Variants in C19orf18 observed in about 807,000 individuals in gnomAD.
The protein encoded by C19orf18 is uncharacterized protein C19orf18.
C19orf18 carries 21 observed loss-of-function variants against 23.3 expected under a neutral mutation model. That is an observed-to-expected ratio of 0.90 (90% CI 0.64 to 1.30). The LOEUF (loss-of-function observed/expected upper bound fraction) is 1.30, where lower values mean the gene tolerates loss of function less well. C19orf18 is among the 50% of genes most tolerant of loss of function. C19orf18 has a pLI of 0.00. For missense variants in C19orf18, 249 were observed against 259.6 expected (o/e 0.96, Z 0.28); for synonymous variants, 96 against 95.2 (o/e 1.01, Z -0.05).
At chr19:57,964,129 G>C (rs929081028) in intron 4 of C19orf18, among the ~76,000 whole-genome samples, 1 of 152,016 alleles carries the variant, frequency 6.6e-6, no homozygotes, top group Non-Finnish European at 1.5e-5. Context: ...ATAGCTTAGT[G>C]CTAATACAAA....
At chr19:57,964,018 T>C (rs1049414143) in intron 4 of C19orf18, among the ~76,000 whole-genome samples, 2 of 152,164 alleles carry the variant, frequency 1.3e-5, no homozygotes, top group African/African-American at 4.8e-5. Context: ...CTGGAAAAAA[T>C]GAACCACTAA....
chr19:57,959,313 A>G (rs906083384), intron 5 of C19orf18, among the ~76,000 whole-genome samples: 11 of 151,992 alleles, frequency 7.2e-5, no homozygotes, highest in Admixed American at 5.9e-4. Context: ...ACATGGTGAA[A>G]ACTGTCTCTA....
chr19:57,971,624 C>G lies in C19orf18; in HGVS notation c.268+839G>C, dbSNP rs571618460. 3.3e-5 allele frequency among the ~76,000 whole-genome samples: 5 copies of G among 152,294 alleles called. No homozygotes were observed. The East Asian group carries it at 7.7e-4, about 24-fold the overall frequency. Reference sequence around the variant, plus strand: ...TAGCTGGGATTACAGGTGCCCACCACCACTCCTGGCTAATTTTTGTATTTT... The same window carrying G: ...TAGCTGGGATTACAGGTGCCCACCAGCACTCCTGGCTAATTTTTGTATTTT... On this transcript the variant is annotated intron_variant, in intron 3 of 5. Coordinates refer to ENST00000314391, the MANE Select transcript of C19orf18 (RefSeq NM_152474.5).
intron 3 of C19orf18, among the ~76,000 whole-genome samples, chr19:57,972,185 T>C (rs1218545413): frequency 6.6e-6 from 1 of 152,224 alleles, no homozygotes; most frequent in East Asian, 1.9e-4. Context: ...AGGGCCGCTG[T>C]GTGTGCCCAT....
At chr19:57,963,757 G>A (rs926855093) in intron 4 of C19orf18, among the ~76,000 whole-genome samples, 2 of 152,092 alleles carry the variant, frequency 1.3e-5, no homozygotes, top group Non-Finnish European at 2.9e-5. Context: ...GGGCGTGGTG[G>A]CGGGTGCCTG....
rs187841827 is a variant in C19orf18, at chr19:57,969,845, C to T, written c.268+2618G>A. ...TGAGATCGCATCATTACACTCCAGG[C>T]TGGGCGACAAGATACAAGATTGAAA... is the stretch of plus-strand genomic sequence containing the variant. On this transcript the variant is annotated intron_variant, in intron 3 of 5. Transcript: ENST00000314391. Among the ~76,000 whole-genome samples the T allele has an allele frequency of 2.1e-5, 3 of 141,352 alleles. No homozygotes were observed. The Admixed American group carries it at 2.2e-4, about 11-fold the overall frequency. 92.7% of individuals were successfully genotyped at this position (141,352 alleles called of 152,430 possible).
At chr19:57,963,033 T>C (rs4362482) in intron 4 of C19orf18, among the ~76,000 whole-genome samples, 1 of 102,826 alleles carries the variant, frequency 9.7e-6, no homozygotes, top group South Asian at 2.6e-4. Flanking sequence ...CAATTTTTTT[T>C]TTTTTTTTTG....
At position 57,974,199 on chromosome 19, in the gene C19orf18, A is replaced by G. The variant is rs1193313839; in HGVS notation, c.126T>C (p.Ser42=). 2.5e-6 allele frequency: 4 copies of G among 1,614,006 alleles called. No individual in the cohort carries two copies. The Admixed American group carries it at 6.7e-5, about 27-fold the overall frequency. The change falls in exon 2 of 6, where the codon AGT becomes AGC. Residue 42 remains serine (S), a synonymous_variant. Coordinates refer to ENST00000314391, the MANE Select transcript of C19orf18 (RefSeq NM_152474.5). ...PTGNITGLPG[S]KRSQPPRNIT... is the part of the protein sequence containing the mutation. ...TGTTTCTGGGTGGTTGTGACCGTTT[A>G]CTGCCTTGAAAAGAAAACTTTTTGC...
At chr19:57,972,668 G>A (rs183953039) in intron 2 of C19orf18, among the ~76,000 whole-genome samples, 164 bp from the exon 3 acceptor site, 1 of 152,332 alleles carries the variant, frequency 6.6e-6, no homozygotes, top group East Asian at 1.9e-4. Context: ...ATGCCTGGCA[G>A]CAATGTGTGG....
intron 4 of C19orf18, among the ~76,000 whole-genome samples, chr19:57,966,102 C>G (rs1392552450): frequency 1.3e-5 from 2 of 151,776 alleles, no homozygotes; most frequent in African/African-American, 4.8e-5. Flanking sequence ...CTCAGCCTCC[C>G]GAGGAGCCGG....
rs1207820112 is a variant in C19orf18 at position 57,972,493 on chromosome 19, T to C, written c.238A>G (p.Thr80Ala). 2.5e-6 allele frequency: 4 copies of C among 1,613,356 alleles called. No individual in the cohort carries two copies. In the South Asian group the frequency reaches 3.3e-5, roughly 13 times the overall value. ...TTCCTCAGGAATTTCATGGGGTTCGTAGGGGATGCAGCTAAAAGGCCATCA... is the reference window on the plus strand; with the variant it reads ...TTCCTCAGGAATTTCATGGGGTTCGCAGGGGATGCAGCTAAAAGGCCATCA... The part of the protein sequence containing the change: ...AASRSTAASP[T>A]NPMKFLRNKA... The change falls in exon 3 of 6, where the codon ACG becomes GCG. Residue 80 changes from threonine to alanine, a missense_variant. Coordinates refer to ENST00000314391, the MANE Select transcript of C19orf18 (RefSeq NM_152474.5).
At chr19:57,961,592 T>G (rs552319930) in intron 4 of C19orf18, 41 bp from the exon 5 acceptor site, 1 of 1,600,446 alleles carries the variant, frequency 6.2e-7, no homozygotes. Flanking sequence ...ACAGTTTTCA[T>G]GATGAATAAT....
chr19:57,958,702 CT>C lies in C19orf18; in HGVS notation c.547del (p.Arg183GlufsTer9). ...KFIHSVIISKRSKNIKKKLKE... is the reference protein window; with the variant it reads ...KFIHSVIISKXSKNIKKKLKE... The stretch of plus-strand genomic sequence containing the variant: ...CAGTTTCTTCTTAATATTTTTGCTT[CT>C]TTTTGATATAATAACTAAAATGTAG... On this transcript the variant is annotated frameshift_variant, in exon 6 of 6. Transcript: ENST00000314391. LOFTEE classifies it low-confidence loss of function (END_TRUNC). 6.5e-7 allele frequency: 1 copy of C among 1,549,168 alleles called. No individual in the cohort carries two copies. Among genetic ancestry groups the C allele is most frequent in the Non-Finnish European group, 8.8e-7 (1 of 1,132,088 alleles).
chr19:57,969,435 A>G (rs946407621), intron 3 of C19orf18, among the ~76,000 whole-genome samples: 1 of 151,282 alleles, frequency 6.6e-6, no homozygotes, highest in African/African-American at 2.4e-5. Flanking sequence ...CACACCTGCA[A>G]TCCCAGCTGC....
chr19:57,965,194 G>A (rs913396427), intron 4 of C19orf18, among the ~76,000 whole-genome samples: 1 of 151,730 alleles, frequency 6.6e-6, no homozygotes, highest in Non-Finnish European at 1.5e-5. Context: ...AATTGCAATG[G>A]CGTGATCTCT....
At position 57,969,361 on chromosome 19, in the gene C19orf18, C is replaced by T. The variant is rs1029476178; in HGVS notation, c.269-2729G>A. Reference sequence around the variant, plus strand: ...CACAAGGTCAGGAGTTCAAGACCAGCCTGGCCAACATGGTGAAACCCCATC... The same window carrying T: ...CACAAGGTCAGGAGTTCAAGACCAGTCTGGCCAACATGGTGAAACCCCATC... On this transcript the variant is annotated intron_variant, in intron 3 of 5. Coordinates refer to ENST00000314391, the MANE Select transcript of C19orf18 (RefSeq NM_152474.5). Among the ~76,000 whole-genome samples, 4 of 151,166 alleles carry T rather than the reference C, an allele frequency of 2.6e-5. No homozygotes were observed. In the East Asian group the frequency reaches 7.9e-4, roughly 30 times the overall value.
intron 3 of C19orf18, among the ~76,000 whole-genome samples, chr19:57,970,029 C>A (rs1361639928): frequency 1.3e-5 from 2 of 152,192 alleles, no homozygotes; most frequent in African/African-American, 4.8e-5. Flanking sequence ...ATTTTGCCCA[C>A]TTTCAACAGG....
At chr19:57,962,412 GA>G (rs1258625473) in intron 4 of C19orf18, among the ~76,000 whole-genome samples, 2 of 152,144 alleles carry the variant, frequency 1.3e-5, no homozygotes, top group African/African-American at 4.8e-5. Context: ...AAATAGGACA[GA>G]ATGGGTGTTA....
chr19:57,959,037 T>C (rs1159300722), intron 5 of C19orf18, among the ~76,000 whole-genome samples: 1 of 152,238 alleles, frequency 6.6e-6, no homozygotes, highest in Non-Finnish European at 1.5e-5. Flanking sequence ...TCAGTGAGCA[T>C]CAGTGATCTC....
Sources: gnomAD v4.1 joint callset for allele counts (sites outside exome capture counted in the v4.1 genomes callset) on GRCh38, gnomAD v4.1.1 for gene constraint, MANE v1.5 for transcripts, NCBI Gene and HGNC (gene_info 2026-07-23, HGNC 2026-07-21) for gene names.